Variants in MPHOSPH8 observed in about 807,000 individuals in gnomAD.
MPHOSPH8 encodes the protein M-phase phosphoprotein, mpp.
MPHOSPH8 carries 45 observed loss-of-function variants against 87.3 expected under a neutral mutation model. The ratio of observed to expected loss-of-function variants is 0.52; its 90% confidence interval spans 0.41 to 0.66. MPHOSPH8 has a LOEUF of 0.66. Among genes scored for constraint, MPHOSPH8 ranks in the 30% least tolerant of loss-of-function variants. MPHOSPH8 has a pLI of 0.00. For missense variants in MPHOSPH8, 883 were observed against 1,020.2 expected (o/e 0.87, Z 1.83); for synonymous variants, 366 against 376.9 (o/e 0.97, Z 0.33).
intron 9 of MPHOSPH8, among the ~76,000 whole-genome samples, chr13:19,664,445 G>A (rs1593488848): frequency 6.6e-6 from 1 of 152,206 alleles, no homozygotes; most frequent in East Asian, 1.9e-4. Flanking sequence ...GCCTTAGGGA[G>A]TTCGTCCTGA....
intron 5 of MPHOSPH8, among the ~76,000 whole-genome samples, chr13:19,652,674 TC>T (rs1874925368): frequency 6.6e-6 from 1 of 152,102 alleles, no homozygotes; most frequent in African/African-American, 2.4e-5. Flanking sequence ...CAAGCTAAGA[TC>T]CACTGGCTTG....
chr13:19,668,027 C>A (rs571287858), intron 10 of MPHOSPH8, among the ~76,000 whole-genome samples: 8 of 152,310 alleles, frequency 5.3e-5, no homozygotes, highest in Admixed American at 4.6e-4. Flanking sequence ...GACCCACTTT[C>A]CTGATTTGCC....
Position 19,673,274 on chromosome 13 carries a change from G to A in MPHOSPH8, c.*1399G>A, listed in dbSNP as rs1323438601. ...AATCAAGCTCAGTCTGGGTTATGGA[G>A]AAGTTGAAAATTGTTTTGTTCCTCA... On this transcript the variant is annotated 3_prime_UTR_variant, in exon 14 of 14. Coordinates refer to ENST00000361479, the MANE Select transcript of MPHOSPH8 (RefSeq NM_017520.4). 2.7e-6 allele frequency: 1 copy of A among 374,368 alleles called. No homozygotes were observed. Among genetic ancestry groups the A allele is most frequent in the Non-Finnish European group, 5.3e-6 (1 of 189,782 alleles). The allele number at this position is 374,368 out of a possible 1,614,324, so 23.2% of individuals were successfully genotyped here. A position where few individuals can be genotyped will look rare whatever the true frequency, so the allele number is the denominator to read the frequency against.
At position 19,668,544 on chromosome 13, in the gene MPHOSPH8, C is replaced by T. The variant is rs1875945645; in HGVS notation, c.2329+13C>T. ...AACATACCAGAAGGTAAGCCGATGC[C>T]TCCCTTCACACTTTTCTATGTGAAG... On this transcript the variant is annotated intron_variant, in intron 11 of 13. Transcript: ENST00000361479. The T allele has an allele frequency of 6.2e-7, 1 of 1,608,656 alleles. No homozygotes were observed. The highest frequency in any genetic ancestry group is 8.5e-7 in the Non-Finnish European group (1 of 1,177,478).
intron 1 of MPHOSPH8, among the ~76,000 whole-genome samples, chr13:19,637,884 G>A (rs569500229): frequency 1.3e-4 from 20 of 151,888 alleles, no homozygotes; most frequent in African/African-American, 4.3e-4. Flanking sequence ...GGCGGATCAC[G>A]AAGTCAAGAG....
At chr13:19,650,447 C>G in intron 5 of MPHOSPH8, 187 bp downstream of exon 5, 1 of 580,518 alleles carries the variant, frequency 1.7e-6, no homozygotes, top group Non-Finnish European at 2.8e-6. Context: ...ATGGATCAAA[C>G]AATTTTTCTG....
chr13:19,667,292 G>A (rs746349590), intron 10 of MPHOSPH8, among the ~76,000 whole-genome samples: 12 of 152,042 alleles, frequency 7.9e-5, no homozygotes, highest in Non-Finnish European at 1.6e-4. Flanking sequence ...CCTCCCCACC[G>A]CCATCCTCCC....
In MPHOSPH8 at chr13:19,661,070, C is replaced by G. The variant is rs188808666; in HGVS notation, c.1792-628C>G. On this transcript the variant is annotated intron_variant, in intron 7 of 13. Coordinates refer to ENST00000361479, the MANE Select transcript of MPHOSPH8 (RefSeq NM_017520.4). The stretch of plus-strand genomic sequence containing the variant: ...CCCAGGAGTTTGAGACCAGCCTGGG[C>G]TGACATAGCAACACCGTCTCAATAA... 4.5e-3 allele frequency: 2,348 copies of G among 523,252 alleles called. 12 individuals carry two copies. Among genetic ancestry groups the G allele is most frequent in the Middle Eastern group, 0.011 (12 of 1,096 alleles). The allele number at this position is 523,252 out of a possible 1,614,324, so 32.4% of individuals were successfully genotyped here.
intron 5 of MPHOSPH8, among the ~76,000 whole-genome samples, chr13:19,650,634 TA>T (rs1340703984): frequency 2.0e-5 from 3 of 152,316 alleles, no homozygotes; most frequent in African/African-American, 7.2e-5. Flanking sequence ...CAAGTAACAC[TA>T]AATAAGATTA....
intron 2 of MPHOSPH8, among the ~76,000 whole-genome samples, chr13:19,646,006 G>C (rs1253182792): frequency 6.6e-6 from 1 of 152,112 alleles, no homozygotes; most frequent in Admixed American, 6.5e-5. Flanking sequence ...ACTGTCAAAC[G>C]TAGGAGCAAG....
intron 7 of MPHOSPH8, among the ~76,000 whole-genome samples, chr13:19,660,170 A>C (rs1180579214): frequency 1.3e-5 from 2 of 150,266 alleles, no homozygotes; most frequent in East Asian, 3.9e-4. Context: ...GGGTTTCACC[A>C]TGTTAGCCAG....
At chr13:19,665,090 G>A (rs766842957) in intron 9 of MPHOSPH8, among the ~76,000 whole-genome samples, 1 of 152,078 alleles carries the variant, frequency 6.6e-6, no homozygotes, top group Non-Finnish European at 1.5e-5. Context: ...GTTGAGTTGG[G>A]GAGTGGGGTG....
In MPHOSPH8 at chr13:19,672,000, T is replaced by A; in HGVS notation, c.*125T>A. 1 of 923,910 alleles carries A rather than the reference T, an allele frequency of 1.1e-6. No homozygotes were observed. Among genetic ancestry groups the A allele is most frequent in the Non-Finnish European group, 1.7e-6 (1 of 587,260 alleles). 57.2% of individuals were successfully genotyped at this position (923,910 alleles called of 1,614,324 possible). A position where few individuals can be genotyped will look rare whatever the true frequency, so the allele number is the denominator to read the frequency against. ...TCTGTAAACCTCTTGCAGTTAAGCC[T>A]GTTGTCTGTTGTAGTCTGTAAGATG... On this transcript the variant is annotated 3_prime_UTR_variant, in exon 14 of 14. Transcript: ENST00000361479.
At position 19,657,784 on chromosome 13, in the gene MPHOSPH8, G is replaced by C. The variant is rs530579162; in HGVS notation, c.1577-1211G>C. Among the ~76,000 whole-genome samples, 7 of 152,264 alleles carry C rather than the reference G, an allele frequency of 4.6e-5. No individual in the cohort carries two copies. In the South Asian group the frequency reaches 1.4e-3, roughly 32 times the overall value. On this transcript the variant is annotated intron_variant, in intron 5 of 13. Coordinates refer to ENST00000361479, the MANE Select transcript of MPHOSPH8 (RefSeq NM_017520.4). ...ATCTCAGTTCATAAAGACCTCATCT[G>C]TTCTGCTTCCACAATCTTTCCACAT...
At chr13:19,662,361 G>A (rs1053867171) in intron 8 of MPHOSPH8, among the ~76,000 whole-genome samples, 4 of 152,190 alleles carry the variant, frequency 2.6e-5, no homozygotes, top group Admixed American at 6.5e-5. Context: ...CTGGACTCAA[G>A]CAATCCTCTC....
At position 19,633,682 on chromosome 13, in the gene MPHOSPH8, G is replaced by C; in HGVS notation, c.-67G>C. 6.6e-7 allele frequency: 1 copy of C among 1,526,154 alleles called. No homozygotes were observed. The highest frequency in any genetic ancestry group is 2.4e-5 in the East Asian group (1 of 40,844). 94.5% of individuals were successfully genotyped at this position (1,526,154 alleles called of 1,614,324 possible). A position where few individuals can be genotyped will look rare whatever the true frequency, so the allele number is the denominator to read the frequency against. ...CTGATGTGGAGTAGGGCCGAGCGCG[G>C]AACGCGAGGGGCTGCTGGGGTGTTT... is the stretch of plus-strand genomic sequence containing the variant. On this transcript the variant is annotated 5_prime_UTR_variant, in exon 1 of 14. Coordinates refer to ENST00000361479, the MANE Select transcript of MPHOSPH8 (RefSeq NM_017520.4).
chr13:19,665,872 G>A (rs561955916), intron 9 of MPHOSPH8, among the ~76,000 whole-genome samples: 3 of 152,330 alleles, frequency 2.0e-5, no homozygotes, highest in South Asian at 2.1e-4. Flanking sequence ...CAGCTCCATC[G>A]TACATTTGCA....
chr13:19,663,692 T>C (rs1375314766), intron 9 of MPHOSPH8, among the ~76,000 whole-genome samples: 1 of 152,214 alleles, frequency 6.6e-6, no homozygotes, highest in African/African-American at 2.4e-5. Flanking sequence ...GGTTGGTTCC[T>C]CTGTGGCAGT....
Position 19,661,793 on chromosome 13 carries a change from T to C in MPHOSPH8, c.1887T>C (p.Gly629=). ...LLITKGAKVN[G]RQKNGTTALI... is the part of the protein sequence containing the mutation. ...TCACAAAAGGCGCGAAAGTGAACGG[T>C]CGGCAGAAGAACGGGACCACCGCCC... Residue 629 remains glycine (G), a synonymous_variant, in exon 8 of 14, where the codon GGT becomes GGC. Transcript: ENST00000361479. The C allele has an allele frequency of 6.2e-7, 1 of 1,613,528 alleles. No individual in the cohort carries two copies.
Sources: gnomAD v4.1 joint callset for allele counts (sites outside exome capture counted in the v4.1 genomes callset) on GRCh38, gnomAD v4.1.1 for gene constraint, MANE v1.5 for transcripts, NCBI Gene and HGNC (gene_info 2026-07-23, HGNC 2026-07-21) for gene names.